Variants in PLCE1 observed in about 807,000 individuals in gnomAD.
The protein encoded by PLCE1 is 1-phosphatidylinositol 4,5-bisphosphate phosphodiesterase epsilon-1.
In PLCE1, 119 loss-of-function variants were observed where a neutral mutation model predicts 242.8. The observed-to-expected ratio is 0.49, with a 90% confidence interval of 0.42 to 0.57. The LOEUF (loss-of-function observed/expected upper bound fraction) is 0.57. Ranked by LOEUF, PLCE1 falls within the 20% of genes least tolerant of loss-of-function variation. The probability of loss-of-function intolerance (pLI) is 0.00; values close to 1 mark genes in which losing one functional copy is unlikely to be tolerated. For synonymous variants in PLCE1, 945 were observed against 1,017.4 expected (o/e 0.93, Z 1.35); for missense variants, 2,441 against 2,788.8 (o/e 0.88, Z 2.81).
chr10:94,275,689 A>G, intron 19 of PLCE1, among the ~76,000 whole-genome samples: 1 of 152,166 alleles, frequency 6.6e-6, no homozygotes, highest in Non-Finnish European at 1.5e-5. Context: ...TATAAAAATT[A>G]GCTGGGCATG....
intron 1 of PLCE1, among the ~76,000 whole-genome samples, chr10:94,017,894 A>G (rs529728182): frequency 6.6e-6 from 1 of 152,290 alleles, no homozygotes; most frequent in Admixed American, 6.5e-5. Flanking sequence ...GCCTGAAGAA[A>G]AGAGTTGCAG....
intron 7 of PLCE1, 38 bp downstream of exon 7, chr10:94,236,158 C>A (rs187541472): frequency 1.3e-6 from 2 of 1,553,402 alleles, no homozygotes; most frequent in African/African-American, 1.4e-5. Flanking sequence ...ATGCTCATCT[C>A]TTCTTTTTTC....
At position 94,313,268 on chromosome 10, in the gene PLCE1, A is replaced by G. The variant is rs2053447080; in HGVS notation, c.6018A>G (p.Glu2006=). 1 of 1,614,148 alleles carries G rather than the reference A, an allele frequency of 6.2e-7. No homozygotes were observed. The highest frequency in any genetic ancestry group is 8.5e-7 in the Non-Finnish European group (1 of 1,179,990). ...TMSASSMFNT[E]ERKCLQTHRV... ...CTTCTTGACAGATGTTTAATACAGA[A>G]GAAAGAAAATGTTTGCAGACTCACA... Residue 2006 remains glutamate (E), a synonymous_variant, in exon 28 of 33, where the codon GAA becomes GAG. Transcript: ENST00000371380.
At chr10:94,253,521 T>C (rs1244120448) in intron 9 of PLCE1, among the ~76,000 whole-genome samples, 1 of 152,038 alleles carries the variant, frequency 6.6e-6, no homozygotes, top group East Asian at 1.9e-4. Context: ...GCCTGGCTAA[T>C]TTTTTTTATT....
chr10:94,211,241 C>T (rs1397327369), intron 4 of PLCE1, among the ~76,000 whole-genome samples: 1 of 152,232 alleles, frequency 6.6e-6, no homozygotes, highest in Non-Finnish European at 1.5e-5. Flanking sequence ...CCTCGTCCTC[C>T]TTATCCACCA....
intron 1 of PLCE1, among the ~76,000 whole-genome samples, chr10:94,016,141 A>G (rs1007738042): frequency 6.6e-6 from 1 of 152,086 alleles, no homozygotes; most frequent in African/African-American, 2.4e-5. Context: ...TCCTTTTAAA[A>G]CATAACATTT....
At chr10:94,193,603 CAG>C (rs1461111666) in intron 4 of PLCE1, among the ~76,000 whole-genome samples, 1 of 152,134 alleles carries the variant, frequency 6.6e-6, no homozygotes, top group African/African-American at 2.4e-5. Flanking sequence ...AATTTTTGCA[CAG>C]AGAGTCATGC....
At chr10:94,172,723 C>G (rs1389028888) in intron 4 of PLCE1, among the ~76,000 whole-genome samples, 92 of 152,176 alleles carry the variant, frequency 6.0e-4, no homozygotes, top group Non-Finnish European at 1.5e-4. Context: ...ACTGTGGAGG[C>G]TGAGACCCTC....
At chr10:94,178,513 T>A (rs2048194342) in intron 4 of PLCE1, among the ~76,000 whole-genome samples, 1 of 152,204 alleles carries the variant, frequency 6.6e-6, no homozygotes, top group Admixed American at 6.5e-5. Context: ...TTGTTGCTTG[T>A]TCCTTCTGTC....
At chr10:94,047,218 T>TA (rs1481082185) in intron 2 of PLCE1, among the ~76,000 whole-genome samples, 1 of 152,186 alleles carries the variant, frequency 6.6e-6, no homozygotes. Flanking sequence ...AGAATAGCTA[T>TA]AAAACGTGGT....
intron 2 of PLCE1, among the ~76,000 whole-genome samples, chr10:94,081,593 G>A (rs1313719684): frequency 1.3e-5 from 2 of 152,122 alleles, no homozygotes; most frequent in African/African-American, 2.4e-5. Flanking sequence ...TGTTTTTCAT[G>A]TCTTATTACA....
chr10:94,014,889 A>G (rs1259366008), intron 1 of PLCE1, among the ~76,000 whole-genome samples: 2 of 152,222 alleles, frequency 1.3e-5, no homozygotes, highest in Non-Finnish European at 2.9e-5. Context: ...CCAAGTCCCC[A>G]CCATGATTCT....
chr10:94,131,924 A>G (rs2046609943), intron 2 of PLCE1, among the ~76,000 whole-genome samples: 1 of 152,192 alleles, frequency 6.6e-6, no homozygotes, highest in Non-Finnish European at 1.5e-5. Context: ...TCTGGTTGGT[A>G]TGACTTGTAA....
intron 14 of PLCE1, among the ~76,000 whole-genome samples, chr10:94,264,512 A>ACTTT (rs2051436834): frequency 1.4e-5 from 1 of 73,082 alleles, no homozygotes; most frequent in African/African-American, 5.0e-5. Context: ...ACATGATTTG[A>ACTTT]TTTTTTTTTT....
At chr10:94,082,824 A>T (rs1442403170) in intron 2 of PLCE1, among the ~76,000 whole-genome samples, 1 of 152,220 alleles carries the variant, frequency 6.6e-6, no homozygotes, top group Non-Finnish European at 1.5e-5. Context: ...TTAGGAGTAA[A>T]TTTATCAAAA....
chr10:94,025,786 C>A (rs759719251), intron 1 of PLCE1, among the ~76,000 whole-genome samples: 1 of 152,176 alleles, frequency 6.6e-6, no homozygotes, highest in Non-Finnish European at 1.5e-5. Flanking sequence ...CATCTCAATT[C>A]TTCAAATAAA....
At chr10:94,279,521 C>A (rs990620971) in intron 19 of PLCE1, 9 of 498,246 alleles carry the variant, frequency 1.8e-5, no homozygotes, top group Non-Finnish European at 2.5e-5. Flanking sequence ...GTCCTGGGAA[C>A]CTGGCTAGCT....
chr10:94,201,535 G>A (rs570622262), intron 4 of PLCE1, among the ~76,000 whole-genome samples: 1 of 152,284 alleles, frequency 6.6e-6, no homozygotes, highest in South Asian at 2.1e-4. Context: ...GAGTGCAGTG[G>A]CATGATCTCG....
intron 4 of PLCE1, among the ~76,000 whole-genome samples, chr10:94,181,906 G>C (rs978713422): frequency 1.3e-5 from 2 of 152,110 alleles, no homozygotes; most frequent in Non-Finnish European, 2.9e-5. Context: ...GATAGAGTGA[G>C]ACCCTTTCTC....
Sources: gnomAD v4.1 joint callset for allele counts (sites outside exome capture counted in the v4.1 genomes callset) on GRCh38, gnomAD v4.1.1 for gene constraint, MANE v1.5 for transcripts, NCBI Gene and HGNC (gene_info 2026-07-23, HGNC 2026-07-21) for gene names.